Variants in CIP2A observed in about 807,000 individuals in gnomAD.
The protein encoded by CIP2A is cellular inhibitor of PP2A.
CIP2A carries 103 observed loss-of-function variants against 110.9 expected under a neutral mutation model. That is an observed-to-expected ratio of 0.93 (90% CI 0.79 to 1.09). CIP2A has a LOEUF of 1.09. Ranked by LOEUF, CIP2A falls within the 50% of genes least tolerant of loss-of-function variation. The pLI, the probability that CIP2A is intolerant of heterozygous loss-of-function variation, is 0.00. For missense variants in CIP2A, 1,088 were observed against 1,038.4 expected, an observed-to-expected ratio of 1.05 and a Z score of -0.66; for synonymous variants, 381 against 361.6, an observed-to-expected ratio of 1.05 and a Z score of -0.61.
Position 108,576,342 on chromosome 3 carries a change from C to A in CIP2A, c.823G>T (p.Glu275Ter). ...TGGTGAAGACATGAAGAAAAGTGCT[C>A]ATATCTAGGTTTAGAATAAAAATAT... Reference protein sequence around the residue: ...PKIADYLTRYEHFSSCLHQVL... With the variant: ...PKIADYLTRY Residue 275 changes from glutamate to a stop codon, truncating the protein, a stop_gained, in exon 8 of 21, where the codon GAG becomes TAG. Coordinates refer to ENST00000295746, the MANE Select transcript of CIP2A (RefSeq NM_020890.3). LOFTEE classifies it high-confidence loss of function. The A allele has an allele frequency of 6.6e-7, 1 of 1,519,886 alleles. No individual in the cohort carries two copies. The highest frequency in any genetic ancestry group is 1.2e-5 in the South Asian group (1 of 80,898). 94.1% of individuals were successfully genotyped at this position (1,519,886 alleles called of 1,614,324 possible).
chr3:108,551,593 T>C (rs1576294640), intron 20 of CIP2A, among the ~76,000 whole-genome samples: 1 of 152,078 alleles, frequency 6.6e-6, no homozygotes, highest in Non-Finnish European at 1.5e-5. Flanking sequence ...ACACACTACA[T>C]ATTAAAATTA....
intron 1 of CIP2A, among the ~76,000 whole-genome samples, chr3:108,586,787 T>C (rs1181258204): frequency 6.6e-6 from 1 of 152,176 alleles, no homozygotes; most frequent in Non-Finnish European, 1.5e-5. Flanking sequence ...ACAAAATTAG[T>C]GTTATGAAAC....
intron 12 of CIP2A, among the ~76,000 whole-genome samples, chr3:108,564,335 T>A (rs959730856): frequency 6.6e-6 from 1 of 151,956 alleles, no homozygotes; most frequent in Non-Finnish European, 1.5e-5. Context: ...AAGGTTTCAG[T>A]TTTGGCTTCT....
At chr3:108,585,921 CAG>C (rs1559705306) in intron 1 of CIP2A, among the ~76,000 whole-genome samples, 4 of 151,880 alleles carry the variant, frequency 2.6e-5, no homozygotes, top group Non-Finnish European at 1.5e-5. Context: ...CACACACACA[CAG>C]AGTGAAAGAG....
chr3:108,551,585 A>G (rs1489586701), intron 20 of CIP2A, among the ~76,000 whole-genome samples: 1 of 152,098 alleles, frequency 6.6e-6, no homozygotes, highest in Non-Finnish European at 1.5e-5. Context: ...AAAATACTAC[A>G]CACTACATAT....
intron 10 of CIP2A, among the ~76,000 whole-genome samples, chr3:108,567,486 A>T (rs1938226988): frequency 6.6e-6 from 1 of 151,892 alleles, no homozygotes; most frequent in East Asian, 1.9e-4. Context: ...GTAAAAAAGT[A>T]TTAATGAAAT....
At chr3:108,573,836 A>AT (rs771534536) in intron 8 of CIP2A, among the ~76,000 whole-genome samples, 51 of 152,218 alleles carry the variant, frequency 3.4e-4, no homozygotes, top group East Asian at 5.8e-4. Flanking sequence ...AGTCATTCTA[A>AT]TTTTTTTCTT....
At position 108,579,694 on chromosome 3, in the gene CIP2A, G is replaced by A. The variant is rs200318584; in HGVS notation, c.550-6C>T. ...TAAAAAGATTTCACATTACTCTGAG[G>A]AAAAAAAAGTTAAAAAATAAATTAG... On this transcript the variant is annotated splice_polypyrimidine_tract_variant and splice_region_variant and intron_variant, in intron 5 of 20. Transcript: ENST00000295746. 1.3e-6 allele frequency: 2 copies of A among 1,511,492 alleles called. No individual in the cohort carries two copies. Among genetic ancestry groups the A allele is most frequent in the East Asian group, 2.4e-5 (1 of 42,512 alleles). 93.6% of individuals were successfully genotyped at this position (1,511,492 alleles called of 1,614,324 possible).
In CIP2A at chr3:108,551,174, G is replaced by A. The variant is rs1468479007; in HGVS notation, c.2693C>T (p.Pro898Leu). Residue 898 changes from proline to leucine, a missense_variant, in exon 21 of 21, where the codon CCA (proline) becomes CTA (leucine). Coordinates refer to ENST00000295746, the MANE Select transcript of CIP2A (RefSeq NM_020890.3). ...CTATATACTGAGATTCACAGTTTCT[G>A]GATTTATTTTTCCACCACTTAAACT... ...IHSLSGGKIN[P>L]ETVNLSI 1.0e-5 allele frequency: 16 copies of A among 1,581,662 alleles called. No homozygotes were observed. Among genetic ancestry groups the A allele is most frequent in the Non-Finnish European group, 1.4e-5 (16 of 1,161,264 alleles).
chr3:108,587,289 G>A (rs1939073657), intron 1 of CIP2A, among the ~76,000 whole-genome samples: 1 of 151,928 alleles, frequency 6.6e-6, no homozygotes, highest in Admixed American at 6.6e-5. Context: ...CTATCAACAG[G>A]AAAGTGTATG....
chr3:108,587,711 T>C (rs970567147), intron 1 of CIP2A, among the ~76,000 whole-genome samples: 1 of 152,096 alleles, frequency 6.6e-6, no homozygotes, highest in African/African-American at 2.4e-5. Context: ...GGTAGAAGAG[T>C]TTTATGTAAA....
chr3:108,588,968 C>A (rs1347668650), intron 1 of CIP2A, among the ~76,000 whole-genome samples: 1 of 152,184 alleles, frequency 6.6e-6, no homozygotes, highest in Non-Finnish European at 1.5e-5. Flanking sequence ...CGTAGAAAAA[C>A]CAAAACTAGA....
At chr3:108,581,236 G>A (rs1474419988) in intron 5 of CIP2A, among the ~76,000 whole-genome samples, 179 bp downstream of exon 5, 5 of 152,272 alleles carry the variant, frequency 3.3e-5, no homozygotes, top group Admixed American at 1.3e-4. Context: ...CAACATACAC[G>A]AAGGCTGAAG....
intron 18 of CIP2A, among the ~76,000 whole-genome samples, chr3:108,554,049 C>A (rs1937701277): frequency 6.6e-6 from 1 of 151,920 alleles, no homozygotes. Flanking sequence ...GCACCCGCCA[C>A]AACACCCAGC....
chr3:108,553,031 AAC>A (rs1937629677), intron 19 of CIP2A, among the ~76,000 whole-genome samples: 1 of 152,034 alleles, frequency 6.6e-6, no homozygotes, highest in South Asian at 2.1e-4. Flanking sequence ...TACCCAGTGT[AAC>A]AGACCTGCAC....
Position 108,585,134 on chromosome 3 carries a change from C to A in CIP2A, c.181G>T (p.Glu61Ter). The change falls in exon 2 of 21, where the codon GAG becomes TAG. Residue 61 changes from glutamate (E) to a stop codon, truncating the protein, a stop_gained. Coordinates refer to ENST00000295746, the MANE Select transcript of CIP2A (RefSeq NM_020890.3). LOFTEE classifies it high-confidence loss of function. Reference sequence around the variant, plus strand: ...CTTATGTTGGGGTCTTCAAGTAGCTCTACAAGGCAACTCAAGCATTCACTT... The same window carrying A: ...CTTATGTTGGGGTCTTCAAGTAGCTATACAAGGCAACTCAAGCATTCACTT... ...LTSECLSCLVELLEDPNISAS... is the reference protein window; with the variant it reads ...LTSECLSCLV 1 of 1,613,508 alleles carries A rather than the reference C, an allele frequency of 6.2e-7. No individual in the cohort carries two copies. The highest frequency in any genetic ancestry group is 1.1e-5 in the South Asian group (1 of 91,032).
intron 12 of CIP2A, 34 bp from the exon 13 acceptor site, chr3:108,563,278 G>A: frequency 1.6e-6 from 2 of 1,274,118 alleles, no homozygotes; most frequent in Non-Finnish European, 2.3e-6. Flanking sequence ...AGAAGCAGCA[G>A]AAAGAATAAA....
chr3:108,580,563 G>T (rs752634304), intron 5 of CIP2A, among the ~76,000 whole-genome samples: 3 of 151,524 alleles, frequency 2.0e-5, no homozygotes, highest in Non-Finnish European at 4.4e-5. Flanking sequence ...GGGTAATGCT[G>T]AATAGCACAG....
In CIP2A at chr3:108,587,221, G is replaced by C. The variant is rs765352817; in HGVS notation, c.103-2009C>G. Among the ~76,000 whole-genome samples the C allele has an allele frequency of 2.0e-5, 3 of 152,074 alleles. No individual in the cohort carries two copies. In the East Asian group the frequency reaches 5.8e-4, roughly 29 times the overall value. Reference sequence around the variant, plus strand: ...ATGTGTGCATATATCCACAAAAAATGTATGTCTACAACAGCTTTATTCTTA... The same window carrying C: ...ATGTGTGCATATATCCACAAAAAATCTATGTCTACAACAGCTTTATTCTTA... On this transcript the variant is annotated intron_variant, in intron 1 of 20. Transcript: ENST00000295746.
Sources: allele counts gnomAD v4.1 joint callset (sites outside exome capture counted in the v4.1 genomes callset), GRCh38; gene constraint gnomAD v4.1.1; transcripts MANE v1.5; gene names NCBI Gene and HGNC (gene_info 2026-07-23, HGNC 2026-07-21).